Variants in TRAPPC12 observed in about 807,000 individuals in gnomAD.
The protein encoded by TRAPPC12 is trafficking protein particle complex subunit 12.
A neutral mutation model predicts 69.2 loss-of-function variants in TRAPPC12; 61 were observed. The ratio of observed to expected loss-of-function variants is 0.88; its 90% CI spans 0.72 to 1.09. The LOEUF is 1.09. TRAPPC12 is among the 50% of genes least tolerant of loss of function. TRAPPC12 has a pLI of 0.00. For missense variants in TRAPPC12, 1,101 were observed against 1,016.4 expected, an observed-to-expected ratio of 1.08 and a Z score of -1.13; for synonymous variants, 469 against 438.9, an observed-to-expected ratio of 1.07 and a Z score of -0.86.
intron 6 of TRAPPC12, 61 bp from the exon 7 acceptor site, chr2:3,457,560 C>T: frequency 7.1e-7 from 1 of 1,413,304 alleles, no homozygotes; most frequent in Non-Finnish European, 9.9e-7. Flanking sequence ...TATATTATAA[C>T]AAAGTCTTAG....
intron 5 of TRAPPC12, among the ~76,000 whole-genome samples, chr2:3,440,964 T>G (rs1343349172): frequency 1.3e-5 from 2 of 152,216 alleles, no homozygotes; most frequent in Non-Finnish European, 2.9e-5. Context: ...TAATTGATTT[T>G]GGAATGTTAG....
intron 2 of TRAPPC12, among the ~76,000 whole-genome samples, chr2:3,389,497 C>G (rs990175315): frequency 6.6e-6 from 1 of 152,240 alleles, no homozygotes; most frequent in Non-Finnish European, 1.5e-5. Flanking sequence ...AGGGGAACAC[C>G]GTGGCGCCCG....
At chr2:3,381,992 G>A (rs1195045393) in intron 1 of TRAPPC12, among the ~76,000 whole-genome samples, 1 of 152,146 alleles carries the variant, frequency 6.6e-6, no homozygotes, top group Non-Finnish European at 1.5e-5. Context: ...AATTGTATTT[G>A]TGAGATCCAA....
chr2:3,471,351 C>T (rs1666050679), intron 9 of TRAPPC12, among the ~76,000 whole-genome samples: 1 of 152,214 alleles, frequency 6.6e-6, no homozygotes, highest in Non-Finnish European at 1.5e-5. Context: ...AGGGAGGATC[C>T]ATCTCCCCCC....
chr2:3,412,154 T>C (rs1662099862), intron 3 of TRAPPC12, among the ~76,000 whole-genome samples: 1 of 152,196 alleles, frequency 6.6e-6, no homozygotes, highest in South Asian at 2.1e-4. Flanking sequence ...AAAGAAATGC[T>C]TTTAGAAATT....
rs1660596941 is a variant in TRAPPC12, at chr2:3,388,149, G to A, written c.526G>A (p.Glu176Lys). Reference protein sequence around the residue: ...RAPPASGDGFEPQMVKSPSFG... With the variant: ...RAPPASGDGFKPQMVKSPSFG... ...GCCCCCAGCCTCCGGGGACGGCTTC[G>A]AGCCGCAGATGGTGAAGTCGCCCAG... is the stretch of plus-strand genomic sequence containing the variant. Residue 176 changes from glutamate (E) to lysine (K), a missense_variant, in exon 2 of 12, where the codon GAG becomes AAG. Glu to Lys is a moderately conservative substitution (Grantham distance 56). Transcript: ENST00000324266. 1.2e-6 allele frequency: 2 copies of A among 1,603,494 alleles called. No homozygotes were observed. The highest frequency in any genetic ancestry group is 8.5e-7 in the Non-Finnish European group (1 of 1,176,140).
chr2:3,396,175 T>TTA (rs917426888), intron 2 of TRAPPC12, among the ~76,000 whole-genome samples: 1 of 152,170 alleles, frequency 6.6e-6, no homozygotes, highest in African/African-American at 2.4e-5. Context: ...TCATCTTCGT[T>TTA]ATTAAAGTTT....
chr2:3,435,158 G>A (rs146204286), intron 5 of TRAPPC12, among the ~76,000 whole-genome samples: 80 of 152,220 alleles, frequency 5.3e-4, no homozygotes, highest in African/African-American at 1.7e-3. Context: ...GATTATAGGC[G>A]CATGCCACCA....
At chr2:3,451,280 G>A (rs1353198963) in intron 6 of TRAPPC12, among the ~76,000 whole-genome samples, 4 of 152,172 alleles carry the variant, frequency 2.6e-5, no homozygotes, top group African/African-American at 9.7e-5. Flanking sequence ...TCCCTGGACC[G>A]GCCATGACAT....
rs760049711 is a variant in TRAPPC12 at position 3,443,925 on chromosome 2, G to A, written c.1530+34G>A. 15 of 1,511,506 alleles carry A rather than the reference G, an allele frequency of 9.9e-6. No homozygotes were observed. The South Asian group carries it at 1.0e-4, about 10-fold the overall frequency. 93.6% of individuals were successfully genotyped at this position (1,511,506 alleles called of 1,614,324 possible). On this transcript the variant is annotated intron_variant, in intron 6 of 11. Coordinates refer to ENST00000324266, the MANE Select transcript of TRAPPC12 (RefSeq NM_016030.6). ...CGCTGTCATTCTTCCCTGCCACGGGGAGAACATGCCCTCCACGCCCTCCCC... is the reference window on the plus strand; with the variant it reads ...CGCTGTCATTCTTCCCTGCCACGGGAAGAACATGCCCTCCACGCCCTCCCC...
intron 5 of TRAPPC12, among the ~76,000 whole-genome samples, chr2:3,439,203 T>C (rs903426905): frequency 1.3e-5 from 2 of 152,248 alleles, no homozygotes; most frequent in African/African-American, 4.8e-5. Context: ...CATATGATGA[T>C]GAGCATCTTT....
chr2:3,420,638 G>T (rs1196358288), intron 3 of TRAPPC12, among the ~76,000 whole-genome samples: 1 of 152,182 alleles, frequency 6.6e-6, no homozygotes, highest in Non-Finnish European at 1.5e-5. Context: ...CACCGCCGCT[G>T]TGGCTGGAAT....
chr2:3,472,818 C>T (rs996704585), intron 9 of TRAPPC12, among the ~76,000 whole-genome samples: 4 of 152,276 alleles, frequency 2.6e-5, no homozygotes, highest in Admixed American at 2.6e-4. Context: ...GGACTCAACT[C>T]TGACTTCACG....
At chr2:3,468,168 T>C (rs1665906184) in intron 9 of TRAPPC12, among the ~76,000 whole-genome samples, 1 of 152,054 alleles carries the variant, frequency 6.6e-6, no homozygotes, top group African/African-American at 2.4e-5. Context: ...TCGTGGGCTG[T>C]TCCTGCTGCT....
intron 2 of TRAPPC12, among the ~76,000 whole-genome samples, chr2:3,391,354 G>T (rs189199719): frequency 1.3e-5 from 2 of 152,128 alleles, no homozygotes; most frequent in Non-Finnish European, 2.9e-5. Flanking sequence ...TAAGCCAATC[G>T]TATGACTGTG....
chr2:3,455,765 G>A (rs1287699037), intron 6 of TRAPPC12: 1 of 152,256 alleles, frequency 6.6e-6, no homozygotes, highest in Non-Finnish European at 1.5e-5. Flanking sequence ...TGGACACTTA[G>A]GTTGCTTCCA....
chr2:3,388,707 CCT>C (rs1384364087), intron 2 of TRAPPC12, 37 bp downstream of exon 2: 1 of 1,491,486 alleles, frequency 6.7e-7, no homozygotes, highest in East Asian at 2.5e-5. Context: ...GCCCGTGCCT[CCT>C]CTCTGCGTCT....
chr2:3,424,979 GT>G (rs1490705594), intron 5 of TRAPPC12, among the ~76,000 whole-genome samples: 1 of 152,230 alleles, frequency 6.6e-6, no homozygotes, highest in Non-Finnish European at 1.5e-5. Context: ...GGGAAGAGCC[GT>G]CCCATATCGG....
chr2:3,464,525 A>G (rs1363169981), intron 8 of TRAPPC12, among the ~76,000 whole-genome samples: 2 of 152,198 alleles, frequency 1.3e-5, no homozygotes, highest in African/African-American at 2.4e-5. Flanking sequence ...GGATTATACG[A>G]TGAGTAAGTA....
Sources: gnomAD v4.1 joint callset for allele counts (sites outside exome capture counted in the v4.1 genomes callset) on GRCh38, gnomAD v4.1.1 for gene constraint, MANE v1.5 for transcripts, NCBI Gene and HGNC (gene_info 2026-07-23, HGNC 2026-07-21) for gene names.